Variants in TP73 observed in about 807,000 individuals in gnomAD.
TP73 encodes tumor protein p73, also known as p53-like transcription factor.
TP73 carries 25 observed loss-of-function variants against 62.5 expected under a neutral mutation model. That is an observed-to-expected ratio of 0.40 (90% CI 0.29 to 0.56). TP73 has a LOEUF of 0.56. Among genes scored for constraint, TP73 ranks in the 20% least tolerant of loss-of-function variants. The pLI, the probability that TP73 is intolerant of heterozygous loss-of-function variation, is 0.46. For missense variants in TP73, 754 were observed against 913.3 expected, an observed-to-expected ratio of 0.83 and a Z score of 2.25; for synonymous variants, 423 against 377.5, an observed-to-expected ratio of 1.12 and a Z score of -1.40.
intron 3 of TP73, among the ~76,000 whole-genome samples, chr1:3,697,196 G>A (rs1338342298): frequency 2.7e-5 from 4 of 146,228 alleles, no homozygotes; most frequent in East Asian, 2.0e-4. Context: ...GGCCCACCTC[G>A]CACCCACTGC....
rs183076211 is a variant in TP73, at chr1:3,720,670, C to T, written c.430-1351C>T. ...CAGCTCCATCTCCCCTGTCTCTTTC[C>T]TTTTTCCTTCCTGGCTTTTCGTGTG... On this transcript the variant is annotated intron_variant, in intron 4 of 13. Transcript: ENST00000378295. Among the ~76,000 whole-genome samples, 942 of 152,368 alleles carry T rather than the reference C, an allele frequency of 6.2e-3. 8 individuals are homozygous for T. The highest frequency in any genetic ancestry group is 0.019 in the African/African-American group (771 of 41,588).
chr1:3,731,294 G>A (rs1207359881), intron 12 of TP73, among the ~76,000 whole-genome samples, 169 bp from the exon 13 acceptor site: 3 of 152,222 alleles, frequency 2.0e-5, no homozygotes, highest in African/African-American at 4.8e-5. Context: ...CCTGTCCCCA[G>A]CTGAGCACGT....
In TP73 at chr1:3,730,930, C is replaced by A. The variant is rs1642086948; in HGVS notation, c.1349C>A (p.Pro450His). 5 of 1,603,926 alleles carry A rather than the reference C, an allele frequency of 3.1e-6. No individual in the cohort carries two copies. The highest frequency in any genetic ancestry group is 4.3e-6 in the Non-Finnish European group (5 of 1,175,878). The stretch of plus-strand genomic sequence containing the variant: ...GCCCCACCTGCCTCTCACCCAGGCC[C>A]CGGGATGCTCAACAACCATGGCCAC... Reference protein sequence around the residue: ...AATPNLGPVGPGMLNNHGHAV... With the variant: ...AATPNLGPVGHGMLNNHGHAV... The change falls in exon 12 of 14, where the codon CCC becomes CAC. Residue 450 changes from proline to histidine, a missense_variant. Around this residue, in one of 3 missense-constraint regions of TP73, gnomAD observed 458 missense variants for 528.7 expected, o/e 0.87. Transcript: ENST00000378295.
intron 3 of TP73, among the ~76,000 whole-genome samples, chr1:3,694,832 C>G (rs1236467935): frequency 7.5e-6 from 1 of 133,088 alleles, no homozygotes. Flanking sequence ...CCCATGCAGC[C>G]TCAGCCCCTC....
intron 1 of TP73, among the ~76,000 whole-genome samples, chr1:3,667,568 G>A (rs971355036): frequency 3.3e-5 from 5 of 152,048 alleles, no homozygotes; most frequent in African/African-American, 1.2e-4. Flanking sequence ...GGCCCACATG[G>A]TGAAACCCCG....
chr1:3,667,503 C>T (rs1451867812), intron 1 of TP73, among the ~76,000 whole-genome samples: 4 of 152,190 alleles, frequency 2.6e-5, no homozygotes, highest in Non-Finnish European at 5.9e-5. Context: ...GCAATCCCAG[C>T]ACTTTGGGAG....
At chr1:3,677,689 CCTTTTTTTTTTT>C (rs1039964548) in intron 1 of TP73, among the ~76,000 whole-genome samples, 2 of 137,224 alleles carry the variant, frequency 1.5e-5, no homozygotes, top group African/African-American at 5.6e-5. Flanking sequence ...TCCTTCCTTC[CCTTTTTTTTTTT>C]TTTTTTTTTA....
chr1:3,676,248 G>A (rs542082089), intron 1 of TP73, among the ~76,000 whole-genome samples: 72 of 150,168 alleles, frequency 4.8e-4, no homozygotes, highest in Non-Finnish European at 9.2e-4. Flanking sequence ...AACAGGGAGG[G>A]GACCCATGGG....
intron 3 of TP73, among the ~76,000 whole-genome samples, chr1:3,689,383 A>G (rs555489190): frequency 3.9e-5 from 6 of 152,182 alleles, no homozygotes; most frequent in Non-Finnish European, 7.4e-5. Context: ...CCACAGGAAG[A>G]GACGGGCGTC....
At chr1:3,723,106 G>A (rs1641230550) in intron 5 of TP73, among the ~76,000 whole-genome samples, 1 of 147,334 alleles carries the variant, frequency 6.8e-6, no homozygotes, top group Non-Finnish European at 1.5e-5. Context: ...CACCTAACAG[G>A]GGTGGGCACC....
intron 1 of TP73, among the ~76,000 whole-genome samples, chr1:3,680,252 G>A (rs550578830): frequency 3.3e-5 from 5 of 152,190 alleles, no homozygotes; most frequent in African/African-American, 7.2e-5. Context: ...TCATGGCCGC[G>A]TAATGTTCCA....
intron 1 of TP73, chr1:3,658,869 TA>T (rs1644926140): frequency 6.6e-6 from 1 of 151,548 alleles, no homozygotes; most frequent in African/African-American, 2.4e-5. Context: ...CAGTCATATT[TA>T]GGGGTGGCGT....
rs765640900 is a variant in TP73, at chr1:3,707,859, C to T, written c.429+68C>T. The T allele has an allele frequency of 7.1e-6, 11 of 1,548,518 alleles. 1 individual carries two copies. The South Asian group carries it at 1.1e-4, about 15-fold the overall frequency. The stretch of plus-strand genomic sequence containing the variant: ...GGGCTGGAGAGGAGGTGGCTGCGTT[C>T]CCCGCACCTCAAGAGGTCTGAGCTC... On this transcript the variant is annotated intron_variant, in intron 4 of 13. Coordinates refer to ENST00000378295, the MANE Select transcript of TP73 (RefSeq NM_005427.4).
chr1:3,695,456 G>A (rs1385681154), intron 3 of TP73, among the ~76,000 whole-genome samples: 2 of 152,196 alleles, frequency 1.3e-5, no homozygotes, highest in Admixed American at 6.5e-5. Flanking sequence ...TGCACCCTTG[G>A]GCCTGGCCTG....
intron 3 of TP73, among the ~76,000 whole-genome samples, chr1:3,697,688 T>C (rs1638792693): frequency 6.6e-6 from 1 of 152,112 alleles, no homozygotes; most frequent in Admixed American, 6.5e-5. Context: ...AGGAAATGGG[T>C]GTGAAGAGGA....
chr1:3,703,815 C>G (rs1430440373), intron 3 of TP73, among the ~76,000 whole-genome samples: 1 of 152,198 alleles, frequency 6.6e-6, no homozygotes, highest in Non-Finnish European at 1.5e-5. Flanking sequence ...AGCTGGGCAG[C>G]CCTTGAGCCC....
At chr1:3,661,876 T>A (rs907506418) in intron 1 of TP73, among the ~76,000 whole-genome samples, 2 of 144,476 alleles carry the variant, frequency 1.4e-5, no homozygotes, top group South Asian at 2.1e-4. Context: ...CAATATATAT[T>A]TTTTATTTTA....
intron 1 of TP73, among the ~76,000 whole-genome samples, chr1:3,664,024 T>C (rs1645056575): frequency 6.6e-6 from 1 of 152,176 alleles, no homozygotes; most frequent in Admixed American, 6.5e-5. Context: ...GCCACTGCTG[T>C]ATCCCCACTG....
chr1:3,704,527 G>A (rs943732960), intron 3 of TP73, among the ~76,000 whole-genome samples: 5 of 152,178 alleles, frequency 3.3e-5, no homozygotes, highest in Non-Finnish European at 7.3e-5. Context: ...TGCTCAAACC[G>A]GGTGACGAAA....
Sources: allele counts gnomAD v4.1 joint callset (sites outside exome capture counted in the v4.1 genomes callset), GRCh38; gene constraint gnomAD v4.1.1; regional missense constraint gnomAD v4.1.1; transcripts MANE v1.5; gene names NCBI Gene and HGNC (gene_info 2026-07-23, HGNC 2026-07-21).